The following ABTB3 variants were observed in gnomAD, a reference collection of about 807,000 sequenced individuals.
ABTB3 encodes the protein ankyrin repeat and BTB domain containing 3.
At chr12:107,508,398 T>C in the ABTB3 span, among the ~76,000 whole-genome samples, 3 of 148,900 alleles carry the variant, frequency 2.0e-5, no homozygotes, top group African/African-American at 7.3e-5. Context: ...TTTACCCTGG[T>C]CCATTGCCAT....
the ABTB3 span, among the ~76,000 whole-genome samples, chr12:107,654,813 T>TACACACACACAC: frequency 4.2e-5 from 4 of 95,992 alleles, no homozygotes; most frequent in African/African-American, 2.2e-4. Flanking sequence ...GTCTACATTG[T>TACACACACACAC]ATACACACAC....
chr12:107,589,932 C>T, the ABTB3 span, among the ~76,000 whole-genome samples: 4 of 152,278 alleles, frequency 2.6e-5, no homozygotes, highest in East Asian at 1.9e-4. Context: ...CTTTTTGAGA[C>T]GGAGTCTCAC....
At chr12:107,356,171 T>C in the ABTB3 span, among the ~76,000 whole-genome samples, 1 of 152,140 alleles carries the variant, frequency 6.6e-6, no homozygotes, top group African/African-American at 2.4e-5. Context: ...GGGTAGGAAA[T>C]GGCGTGATAT....
the ABTB3 span, among the ~76,000 whole-genome samples, chr12:107,510,117 C>A: frequency 1.3e-5 from 2 of 152,288 alleles, no homozygotes; most frequent in South Asian, 4.2e-4. Flanking sequence ...GGAATCTGAA[C>A]CCGGCCAGGT....
chr12:107,405,096 T>C, the ABTB3 span, among the ~76,000 whole-genome samples: 3 of 152,228 alleles, frequency 2.0e-5, no homozygotes, highest in African/African-American at 4.8e-5. Context: ...TAGGGTGAAG[T>C]AGACAAGGCA....
the ABTB3 span, among the ~76,000 whole-genome samples, chr12:107,510,239 G>A: frequency 1.3e-5 from 2 of 152,078 alleles, no homozygotes; most frequent in South Asian, 4.1e-4. Flanking sequence ...ACATTCTGGG[G>A]TCACTTAACA....
At chr12:107,368,285 C>T in the ABTB3 span, among the ~76,000 whole-genome samples, 5 of 152,190 alleles carry the variant, frequency 3.3e-5, no homozygotes, top group Non-Finnish European at 7.3e-5. Context: ...AGGCTCTGTC[C>T]AGAAGGTGAC....
the ABTB3 span, among the ~76,000 whole-genome samples, chr12:107,497,563 A>G: frequency 6.6e-6 from 1 of 151,922 alleles, no homozygotes; most frequent in African/African-American, 2.4e-5. Context: ...CGTCACCACC[A>G]TCATCATCAT....
the ABTB3 span, among the ~76,000 whole-genome samples, chr12:107,524,370 T>C: frequency 1.3e-5 from 2 of 152,310 alleles, no homozygotes; most frequent in East Asian, 3.9e-4. Context: ...TCTGTGTACA[T>C]AGAGAGCTGT....
At chr12:107,618,222 G>T in the ABTB3 span, 1 of 1,614,096 alleles carries the variant, frequency 6.2e-7, no homozygotes. Context: ...GTCCCTGGAG[G>T]AGATTCTGGC....
the ABTB3 span, among the ~76,000 whole-genome samples, chr12:107,441,068 C>T: frequency 6.6e-6 from 1 of 152,206 alleles, no homozygotes; most frequent in Non-Finnish European, 1.5e-5. Context: ...GAGGCAGACC[C>T]AGCCTCAGCT....
chr12:107,368,939 CCTTT>C, the ABTB3 span, among the ~76,000 whole-genome samples: 1 of 151,492 alleles, frequency 6.6e-6, no homozygotes, highest in Non-Finnish European at 1.5e-5. Flanking sequence ...TATTGCATTT[CCTTT>C]CTTTTCTCAT....
At chr12:107,608,256 C>T in the ABTB3 span, among the ~76,000 whole-genome samples, 19 of 152,336 alleles carry the variant, frequency 1.2e-4, no homozygotes, top group African/African-American at 4.6e-4. Context: ...TGGTTTCTGT[C>T]CACTCAGCTG....
the ABTB3 span, among the ~76,000 whole-genome samples, chr12:107,521,349 G>A: frequency 6.6e-6 from 1 of 151,642 alleles, no homozygotes; most frequent in Admixed American, 6.6e-5. Flanking sequence ...TTTTTGCAGA[G>A]GTGTTCTGTG....
chr12:107,654,535 G>A, the ABTB3 span, among the ~76,000 whole-genome samples: 10 of 152,246 alleles, frequency 6.6e-5, no homozygotes, highest in East Asian at 1.7e-3. Context: ...CTGATCTCAG[G>A]TGATCCACCA....
the ABTB3 span, chr12:107,319,890 C>T: frequency 3.7e-6 from 5 of 1,339,070 alleles, no homozygotes; most frequent in Non-Finnish European, 4.9e-6. Context: ...TGCGCCCCGC[C>T]GGCCGCCGCG....
the ABTB3 span, among the ~76,000 whole-genome samples, chr12:107,445,360 A>C: frequency 1.3e-5 from 2 of 152,240 alleles, no homozygotes; most frequent in East Asian, 3.8e-4. Flanking sequence ...TATGCCAGGC[A>C]CACCACATGA....
the ABTB3 span, among the ~76,000 whole-genome samples, chr12:107,425,886 G>A: frequency 6.6e-6 from 1 of 152,212 alleles, no homozygotes; most frequent in Non-Finnish European, 1.5e-5. Flanking sequence ...CCCACATTCT[G>A]GAGAAGGGGG....
At chr12:107,632,208 G>A in the ABTB3 span, among the ~76,000 whole-genome samples, 4 of 152,000 alleles carry the variant, frequency 2.6e-5, no homozygotes, top group African/African-American at 9.7e-5. Flanking sequence ...CTCCTGAATC[G>A]AGTTAAACCA....
Sources: allele counts gnomAD v4.1 joint callset (sites outside exome capture counted in the v4.1 genomes callset), GRCh38; gene constraint gnomAD v4.1.1; transcripts MANE v1.5; gene names NCBI Gene and HGNC (gene_info 2026-07-23, HGNC 2026-07-21).